CLYBL: variants seen among roughly 807,000 people sequenced by gnomAD.
The protein encoded by CLYBL is citramalyl-CoA lyase, mitochondrial.
CLYBL carries 31 observed loss-of-function variants against 38.9 expected under a neutral mutation model. The ratio of observed to expected loss-of-function variants is 0.80; its 90% CI spans 0.60 to 1.08. The LOEUF (loss-of-function observed/expected upper bound fraction) is 1.08, where lower values mean the gene tolerates loss of function less well. Among genes scored for constraint, CLYBL ranks in the 50% least tolerant of loss-of-function variants. CLYBL has a pLI of 0.00. For missense variants in CLYBL, 434 were observed against 411.6 expected, an observed-to-expected ratio of 1.05 and a Z score of -0.47; for synonymous variants, 171 against 158.6, an observed-to-expected ratio of 1.08 and a Z score of -0.59.
At chr13:99,655,202 A>G (rs1479909321) in intron 1 of CLYBL, among the ~76,000 whole-genome samples, 2 of 151,444 alleles carry the variant, frequency 1.3e-5, no homozygotes, top group Non-Finnish European at 2.9e-5. Context: ...CAACCTCCCA[A>G]GTAGCTGGGA....
intron 1 of CLYBL, among the ~76,000 whole-genome samples, chr13:99,663,256 G>A (rs1271367983): frequency 2.0e-5 from 3 of 152,196 alleles, no homozygotes; most frequent in Admixed American, 6.5e-5. Flanking sequence ...CAAACAGGGC[G>A]CCGTTTGATA....
intron 1 of CLYBL, among the ~76,000 whole-genome samples, chr13:99,717,976 G>GT (rs1359440890): frequency 2.6e-5 from 4 of 152,012 alleles, no homozygotes; most frequent in African/African-American, 9.7e-5. Context: ...CACATTCTCT[G>GT]TTTTTAAGTT....
At chr13:99,901,208 G>A (rs1052692411), downstream of CLYBL, among the ~76,000 whole-genome samples, 1 of 152,154 alleles carries the variant, frequency 6.6e-6, no homozygotes, top group Non-Finnish European at 1.5e-5. Flanking sequence ...TCCCCCATGG[G>A]CACCGTTCTT....
chr13:99,782,378 G>A lies in CLYBL; in HGVS notation c.249+9368G>A, dbSNP rs145906103. 2.2e-4 allele frequency among the ~76,000 whole-genome samples: 33 copies of A among 152,130 alleles called. 1 individual carries two copies. In the East Asian group the frequency reaches 4.4e-3, roughly 21 times the overall value. Reference sequence around the variant, plus strand: ...AAACATTAGCTGGGCGTGGTGGTGCGCACCTGTAGTCCCACCCTCAGGAGG... The same window carrying A: ...AAACATTAGCTGGGCGTGGTGGTGCACACCTGTAGTCCCACCCTCAGGAGG... On this transcript the variant is annotated intron_variant, in intron 2 of 8. Coordinates refer to ENST00000339105, the MANE Select transcript of CLYBL (RefSeq NM_206808.5).
chr13:99,879,701 C>G (rs947427749), intron 7 of CLYBL, among the ~76,000 whole-genome samples: 2 of 152,102 alleles, frequency 1.3e-5, no homozygotes, highest in African/African-American at 4.8e-5. Flanking sequence ...ATTGTATTTT[C>G]AAAAACACTG....
Position 99,619,825 on chromosome 13 carries a change from C to T in CLYBL, c.62+13068C>T, listed in dbSNP as rs377058915. 1.7e-3 allele frequency among the ~76,000 whole-genome samples: 263 copies of T among 152,234 alleles called. 1 individual carries two copies. Among genetic ancestry groups the T allele is most frequent in the Non-Finnish European group, 3.1e-3 (213 of 68,008 alleles). On this transcript the variant is annotated intron_variant, in intron 1 of 8. Transcript: ENST00000339105. ...AAGGAATTATTGCCCTCAAGTAAGA[C>T]GACCTTGGGGAATTCAGAAATAAAA...
At chr13:99,612,652 T>G (rs1367150189) in intron 1 of CLYBL, among the ~76,000 whole-genome samples, 1 of 152,110 alleles carries the variant, frequency 6.6e-6, no homozygotes, top group East Asian at 1.9e-4. Context: ...CCTCCGAAAG[T>G]GCTGGGATTA....
intron 2 of CLYBL, among the ~76,000 whole-genome samples, chr13:99,801,103 G>C (rs540659052): frequency 7.7e-4 from 117 of 152,226 alleles, no homozygotes; most frequent in African/African-American, 2.8e-3. Context: ...GTCGCCCTTA[G>C]TATAGGCCTT....
At chr13:99,730,278 C>T (rs1421441631) in intron 1 of CLYBL, among the ~76,000 whole-genome samples, 2 of 152,228 alleles carry the variant, frequency 1.3e-5, no homozygotes, top group African/African-American at 2.4e-5. Flanking sequence ...TCCTTTTAAA[C>T]TTTGACTAAC....
At chr13:99,621,300 C>T in intron 1 of CLYBL, among the ~76,000 whole-genome samples, 1 of 152,110 alleles carries the variant, frequency 6.6e-6, no homozygotes, top group East Asian at 1.9e-4. Flanking sequence ...CTTTCCATTT[C>T]CCCCCAGGCC....
At chr13:99,871,476 T>C (rs1457891812) in intron 7 of CLYBL, among the ~76,000 whole-genome samples, 1 of 152,098 alleles carries the variant, frequency 6.6e-6, no homozygotes, top group Non-Finnish European at 1.5e-5. Flanking sequence ...TTATTTTAAT[T>C]TGGGGGGAAA....
chr13:99,784,890 AT>A (rs918879099), intron 2 of CLYBL, among the ~76,000 whole-genome samples: 1 of 151,300 alleles, frequency 6.6e-6, no homozygotes, highest in East Asian at 1.9e-4. Flanking sequence ...ATCCTTTGAC[AT>A]TTTTTTTTGA....
At chr13:99,882,486 C>G (rs1238251103) in intron 7 of CLYBL, among the ~76,000 whole-genome samples, 2 of 152,090 alleles carry the variant, frequency 1.3e-5, no homozygotes, top group Non-Finnish European at 2.9e-5. Context: ...AAAACCCCAT[C>G]TCTACTAAAA....
At chr13:99,652,379 G>T (rs1188971661) in intron 1 of CLYBL, among the ~76,000 whole-genome samples, 1 of 152,124 alleles carries the variant, frequency 6.6e-6, no homozygotes, top group Non-Finnish European at 1.5e-5. Flanking sequence ...GGTGTGATTT[G>T]CCAAGTGTTC....
chr13:99,709,982 G>A (rs527807583), intron 1 of CLYBL, among the ~76,000 whole-genome samples: 2 of 139,212 alleles, frequency 1.4e-5, no homozygotes, highest in East Asian at 4.1e-4. Context: ...GGAGTGCAGT[G>A]GCGCTATCTG....
intron 1 of CLYBL, among the ~76,000 whole-genome samples, chr13:99,616,143 CTTTT>C (rs34142988): frequency 7.2e-5 from 6 of 83,804 alleles, no homozygotes; most frequent in Non-Finnish European, 4.3e-5. Flanking sequence ...CCACGCCTGG[CTTTT>C]TTTTTTTTTT....
At chr13:99,824,155 C>T (rs993026662) in intron 2 of CLYBL, among the ~76,000 whole-genome samples, 14 of 152,174 alleles carry the variant, frequency 9.2e-5, no homozygotes, top group Non-Finnish European at 1.5e-4. Flanking sequence ...GGTGGCTTGG[C>T]ATAAGCATAC....
chr13:99,810,247 C>A (rs1253865468), intron 2 of CLYBL, among the ~76,000 whole-genome samples: 1 of 152,206 alleles, frequency 6.6e-6, no homozygotes, highest in Admixed American at 6.5e-5. Flanking sequence ...TTCCAGTGGC[C>A]ACTCACATCA....
Position 99,865,646 on chromosome 13 carries a change from C to G in CLYBL, c.635-594C>G, listed in dbSNP as rs186036725. On this transcript the variant is annotated intron_variant, in intron 5 of 8. Coordinates refer to ENST00000339105, the MANE Select transcript of CLYBL (RefSeq NM_206808.5). This position sits in a 1 kb window ranked among gnomAD's most constrained non-coding sequence, Gnocchi z 4.7. ...TGAAAAAACTGAATTTATTTGAATA[C>G]GAGTCTTTCCAGGAGACTTGTGTAT... Among the ~76,000 whole-genome samples, 1 of 152,212 alleles carries G rather than the reference C, an allele frequency of 6.6e-6. No homozygotes were observed. Among genetic ancestry groups the G allele is most frequent in the Non-Finnish European group, 1.5e-5 (1 of 68,036 alleles).
Sources: allele counts gnomAD v4.1 joint callset (sites outside exome capture counted in the v4.1 genomes callset), GRCh38; gene constraint gnomAD v4.1.1; non-coding constraint Gnocchi (gnomAD v3.1); transcripts MANE v1.5; gene names NCBI Gene and HGNC (gene_info 2026-07-23, HGNC 2026-07-21).